Variants in RTTN observed in about 807,000 individuals in gnomAD.
The protein encoded by RTTN is rotatin.
A neutral mutation model predicts 269.2 loss-of-function variants in RTTN; 182 were observed. That is an observed-to-expected ratio of 0.68 (90% CI 0.60 to 0.76). The LOEUF (loss-of-function observed/expected upper bound fraction) is 0.76. Ranked by LOEUF, RTTN falls within the 30% of genes least tolerant of loss-of-function variation. The pLI, the probability that RTTN is intolerant of heterozygous loss-of-function variation, is 0.00. For missense variants in RTTN, 2,545 were observed against 2,608.6 expected (o/e 0.98, Z 0.53); for synonymous variants, 1,006 against 963.5 (o/e 1.04, Z -0.82).
chr18:70,040,955 A>G (rs778153653), intron 40 of RTTN, among the ~76,000 whole-genome samples: 71 of 152,330 alleles, frequency 4.7e-4, no homozygotes, highest in Middle Eastern at 3.4e-3. Context: ...GTGGTGGCTC[A>G]CGCCTTGTAA....
chr18:70,146,143 C>T (rs1036929183), intron 17 of RTTN, among the ~76,000 whole-genome samples: 4 of 152,096 alleles, frequency 2.6e-5, no homozygotes, highest in Admixed American at 6.5e-5. Context: ...TATCACAGAC[C>T]GCTGACCACA....
intron 44 of RTTN, among the ~76,000 whole-genome samples, chr18:70,023,423 C>T (rs1939702260): frequency 6.6e-6 from 1 of 152,222 alleles, no homozygotes; most frequent in South Asian, 2.1e-4. Context: ...TTACTATTTT[C>T]ACTTGAGTGA....
At chr18:70,069,177 G>A (rs188244890) in intron 34 of RTTN, among the ~76,000 whole-genome samples, 1 of 152,006 alleles carries the variant, frequency 6.6e-6, no homozygotes, top group Non-Finnish European at 1.5e-5. Context: ...CAGTCTACTT[G>A]AAAGAGAGTA....
intron 48 of RTTN, 132 bp downstream of exon 48, chr18:70,005,066 T>G (rs1314358989): frequency 1.8e-6 from 1 of 542,590 alleles, no homozygotes; most frequent in Admixed American, 3.6e-5. Context: ...ATGATATAAT[T>G]AAAGCACATA....
At chr18:70,119,055 C>T (rs2059670341) in intron 26 of RTTN, among the ~76,000 whole-genome samples, 1 of 151,948 alleles carries the variant, frequency 6.6e-6, no homozygotes, top group South Asian at 2.1e-4. Context: ...CATGTCTATT[C>T]AATATGGTAC....
At chr18:70,022,094 A>C (rs2056722243) in intron 44 of RTTN, among the ~76,000 whole-genome samples, 1 of 152,286 alleles carries the variant, frequency 6.6e-6, no homozygotes. Flanking sequence ...TAAATTTATG[A>C]CCATAAGTGG....
chr18:70,088,210 G>A (rs1054197709), intron 30 of RTTN, 63 bp from the exon 31 acceptor site: 19 of 1,435,632 alleles, frequency 1.3e-5, no homozygotes, highest in Non-Finnish European at 1.7e-5. Context: ...TGAATTCTTA[G>A]TTTTTCTGGT....
chr18:70,188,648 G>A (rs2061601613), intron 9 of RTTN, among the ~76,000 whole-genome samples: 1 of 152,180 alleles, frequency 6.6e-6, no homozygotes, highest in Admixed American at 6.5e-5. Context: ...TTCCCACACA[G>A]GAGTTGCCTG....
chr18:70,197,844 G>A, intron 5 of RTTN, 106 bp from the exon 6 acceptor site: 1 of 700,172 alleles, frequency 1.4e-6, no homozygotes, highest in Non-Finnish European at 2.5e-6. Flanking sequence ...GGTCTCAGCT[G>A]AGATATCACT....
Position 70,186,798 on chromosome 18 carries a change from T to A in RTTN, c.1305+1310A>T, listed in dbSNP as rs1218806620. On this transcript the variant is annotated intron_variant, in intron 10 of 48. Coordinates refer to ENST00000640769, the MANE Select transcript of RTTN (RefSeq NM_173630.4). ...AAAACCAAATACACATATTCTCACTTATAAGTGGGAGCTAAACAATGAGAA... is the reference window on the plus strand; with the variant it reads ...AAAACCAAATACACATATTCTCACTAATAAGTGGGAGCTAAACAATGAGAA... Among the ~76,000 whole-genome samples, 8 of 152,120 alleles carry A rather than the reference T, an allele frequency of 5.3e-5. No homozygotes were observed. In the East Asian group the frequency reaches 1.5e-3, roughly 29 times the overall value.
intron 40 of RTTN, among the ~76,000 whole-genome samples, chr18:70,046,056 G>GT (rs2057481748): frequency 6.6e-6 from 1 of 150,790 alleles, no homozygotes; most frequent in Non-Finnish European, 1.5e-5. Flanking sequence ...CTCTAGCACA[G>GT]ATTTTTTTTT....
At chr18:70,005,337 C>T in intron 47 of RTTN, 70 bp from the exon 48 acceptor site, 2 of 986,246 alleles carry the variant, frequency 2.0e-6, no homozygotes, top group East Asian at 2.4e-5. Flanking sequence ...CTAATTCTGC[C>T]CATTGCTAAC....
chr18:70,069,124 G>A (rs989263362), intron 34 of RTTN, among the ~76,000 whole-genome samples: 4 of 152,066 alleles, frequency 2.6e-5, no homozygotes, highest in Non-Finnish European at 5.9e-5. Context: ...ATGGTCTAAT[G>A]TGTAGCATGG....
intron 4 of RTTN, 141 bp downstream of exon 4, chr18:70,201,753 T>C (rs2061958720): frequency 1.7e-6 from 1 of 602,422 alleles, no homozygotes; most frequent in East Asian, 2.9e-5. Flanking sequence ...CTAAACTAAC[T>C]TGAAACAACT....
intron 40 of RTTN, among the ~76,000 whole-genome samples, chr18:70,045,573 T>C (rs1333981853): frequency 1.3e-5 from 2 of 152,260 alleles, no homozygotes; most frequent in Non-Finnish European, 2.9e-5. Context: ...CTAATAATAT[T>C]TTAATTCACA....
intron 28 of RTTN, among the ~76,000 whole-genome samples, chr18:70,108,360 T>C (rs1376628826): frequency 6.6e-6 from 1 of 151,976 alleles, no homozygotes; most frequent in Non-Finnish European, 1.5e-5. Flanking sequence ...CACGATCAAA[T>C]TCTACCTAAC....
chr18:70,076,801 T>C (rs1479821025), intron 32 of RTTN, among the ~76,000 whole-genome samples: 1 of 151,960 alleles, frequency 6.6e-6, no homozygotes, highest in Non-Finnish European at 1.5e-5. Flanking sequence ...ACAAAGTGAA[T>C]GGGGTTATGT....
At chr18:70,050,512 T>C (rs2144798736) in intron 39 of RTTN, among the ~76,000 whole-genome samples, 1 of 152,316 alleles carries the variant, frequency 6.6e-6, no homozygotes, top group South Asian at 2.1e-4. Context: ...GAAGACAGTG[T>C]GGCAATTCCT....
intron 46 of RTTN, among the ~76,000 whole-genome samples, chr18:70,015,139 C>A (rs188093425): frequency 6.6e-6 from 1 of 151,080 alleles, no homozygotes; most frequent in East Asian, 1.9e-4. Flanking sequence ...AGTGCAGTGG[C>A]GCGATCTTGG....
Sources: gnomAD v4.1 joint callset for allele counts (sites outside exome capture counted in the v4.1 genomes callset) on GRCh38, gnomAD v4.1.1 for gene constraint, MANE v1.5 for transcripts, NCBI Gene and HGNC (gene_info 2026-07-23, HGNC 2026-07-21) for gene names.